ST8SIA1: variants seen among roughly 807,000 people sequenced by gnomAD.
ST8SIA1 encodes the protein alpha-N-acetylneuraminide alpha-2,8-sialyltransferase.
ST8SIA1 carries 16 observed loss-of-function variants against 35.9 expected under a neutral mutation model. The ratio of observed to expected loss-of-function variants is 0.45; its 90% confidence interval spans 0.30 to 0.68. The LOEUF is 0.68. ST8SIA1 is among the 30% of genes least tolerant of loss of function. The pLI is 0.09. For missense variants in ST8SIA1, 383 were observed against 453.6 expected (o/e 0.84, Z 1.41); for synonymous variants, 170 against 169.6 (o/e 1.00, Z -0.02).
At chr12:22,244,833 T>C (rs530263425) in intron 4 of ST8SIA1, among the ~76,000 whole-genome samples, 25 of 152,330 alleles carry the variant, frequency 1.6e-4, no homozygotes, top group African/African-American at 5.8e-4. Context: ...TTTTTTCCCA[T>C]GTGTAATCTA....
chr12:22,302,489 T>C (rs142747250), intron 1 of ST8SIA1, among the ~76,000 whole-genome samples: 4 of 152,280 alleles, frequency 2.6e-5, no homozygotes, highest in African/African-American at 9.6e-5. Context: ...CTATTTTCTC[T>C]TCATAGAGCA....
intron 2 of ST8SIA1, among the ~76,000 whole-genome samples, chr12:22,285,307 T>C (rs1866084590): frequency 6.6e-6 from 1 of 152,242 alleles, no homozygotes; most frequent in Admixed American, 6.5e-5. Flanking sequence ...TCCCAGTCCC[T>C]AGACCACAGT....
chr12:22,269,347 T>C (rs1356263293), intron 2 of ST8SIA1, among the ~76,000 whole-genome samples: 1 of 152,054 alleles, frequency 6.6e-6, no homozygotes, highest in Non-Finnish European at 1.5e-5. Flanking sequence ...CTTTTCAAAA[T>C]AACATTAAGT....
At chr12:22,265,157 G>A (rs761072750) in intron 2 of ST8SIA1, among the ~76,000 whole-genome samples, 20 of 152,204 alleles carry the variant, frequency 1.3e-4, no homozygotes, top group Non-Finnish European at 2.6e-4. Context: ...AGGTGACAAA[G>A]ACTGTGTCTA....
intron 4 of ST8SIA1, among the ~76,000 whole-genome samples, chr12:22,236,398 T>A (rs1168575062): frequency 1.3e-5 from 2 of 152,234 alleles, no homozygotes; most frequent in African/African-American, 4.8e-5. Context: ...ACACAGCCAA[T>A]GCTGTTCTAT....
At chr12:22,324,772 A>G (rs1385893833) in intron 1 of ST8SIA1, 1 of 125,286 alleles carries the variant, frequency 8.0e-6, no homozygotes, top group Non-Finnish European at 1.7e-5. Context: ...CTACATATGA[A>G]GAAATCATTA....
intron 2 of ST8SIA1, among the ~76,000 whole-genome samples, chr12:22,256,685 G>A (rs1865731630): frequency 6.6e-6 from 1 of 152,312 alleles, no homozygotes; most frequent in South Asian, 2.1e-4. Flanking sequence ...AGCATAAGAA[G>A]AGGATTTTAT....
At chr12:22,304,334 CTTTTTT>C (rs3063802) in intron 1 of ST8SIA1, among the ~76,000 whole-genome samples, 4 of 106,266 alleles carry the variant, frequency 3.8e-5, no homozygotes, top group Admixed American at 2.0e-4. Flanking sequence ...TTTTCTTTTT[CTTTTTT>C]TTTTTTTTTT....
At chr12:22,261,743 C>T (rs910850052) in intron 2 of ST8SIA1, among the ~76,000 whole-genome samples, 1 of 152,100 alleles carries the variant, frequency 6.6e-6, no homozygotes, top group African/African-American at 2.4e-5. Flanking sequence ...TCAGTAAGCC[C>T]ATCCAGTGTG....
chr12:22,223,185 C>T (rs1865318926), intron 4 of ST8SIA1: 1 of 152,158 alleles, frequency 6.6e-6, no homozygotes, highest in Non-Finnish European at 1.5e-5. Flanking sequence ...CAGTTTCATG[C>T]AAGTGTTTAA....
At chr12:22,285,959 G>T (rs576140274) in intron 2 of ST8SIA1, among the ~76,000 whole-genome samples, 1 of 150,526 alleles carries the variant, frequency 6.6e-6, no homozygotes, top group East Asian at 2.0e-4. Context: ...AATAGGGCAA[G>T]TGCTGCTCTA....
rs182321919 is a variant in ST8SIA1 at position 22,194,216 on chromosome 12, G to A, written c.*7336C>T. On this transcript the variant is annotated 3_prime_UTR_variant, in exon 5 of 5. Coordinates refer to ENST00000396037, the MANE Select transcript of ST8SIA1 (RefSeq NM_003034.4). ...CTATAGTAACCTATCAACACCCAAC[G>A]GTGCTCAAGACTGAATGATAAACAG... The A allele has an allele frequency of 2.6e-5, 4 of 152,004 alleles. No homozygotes were observed. Among genetic ancestry groups the A allele is most frequent in the Non-Finnish European group, 4.4e-5 (3 of 68,004 alleles). 9.4% of individuals were successfully genotyped at this position (152,004 alleles called of 1,614,324 possible). A position where few individuals can be genotyped will look rare whatever the true frequency, so the allele number is the denominator to read the frequency against.
intron 2 of ST8SIA1, among the ~76,000 whole-genome samples, chr12:22,266,494 A>T (rs961014760): frequency 2.2e-4 from 28 of 125,376 alleles, no homozygotes; most frequent in Non-Finnish European, 4.2e-4. Flanking sequence ...ACCCCTATTT[A>T]AAAAAAAAAT....
chr12:22,311,820 G>T (rs1021535232), intron 1 of ST8SIA1, among the ~76,000 whole-genome samples: 1 of 152,124 alleles, frequency 6.6e-6, no homozygotes, highest in African/African-American at 2.4e-5. Flanking sequence ...AACAATAATA[G>T]TTTATGTAGG....
chr12:22,329,400 G>A (rs986893029), intron 1 of ST8SIA1, among the ~76,000 whole-genome samples: 7 of 152,070 alleles, frequency 4.6e-5, no homozygotes, highest in East Asian at 1.9e-4. Context: ...TATATTTTAC[G>A]TATCCAGTAA....
At chr12:22,327,508 A>G (rs1281806089) in intron 1 of ST8SIA1, among the ~76,000 whole-genome samples, 1 of 152,222 alleles carries the variant, frequency 6.6e-6, no homozygotes, top group Non-Finnish European at 1.5e-5. Flanking sequence ...GGCAGGCTGC[A>G]GAAGTAGAGT....
At chr12:22,267,929 G>T (rs1865866313) in intron 2 of ST8SIA1, among the ~76,000 whole-genome samples, 1 of 152,008 alleles carries the variant, frequency 6.6e-6, no homozygotes, top group Non-Finnish European at 1.5e-5. Flanking sequence ...TCCAGGATTG[G>T]CATGCACATC....
chr12:22,319,603 A>G lies in ST8SIA1; in HGVS notation c.236+14394T>C, dbSNP rs189456309. 2.1e-4 allele frequency among the ~76,000 whole-genome samples: 32 copies of G among 152,332 alleles called. 1 individual carries two copies. Among genetic ancestry groups the G allele is most frequent in the African/African-American group, 7.5e-4 (31 of 41,578 alleles). ...GCATGAGTTGGGAGAGCCCCTGGACATATGGCCCTCAGCAGGGCTGGGGGA... is the reference window on the plus strand; with the variant it reads ...GCATGAGTTGGGAGAGCCCCTGGACGTATGGCCCTCAGCAGGGCTGGGGGA... On this transcript the variant is annotated intron_variant, in intron 1 of 4. Coordinates refer to ENST00000396037, the MANE Select transcript of ST8SIA1 (RefSeq NM_003034.4).
rs532037269 is a variant in ST8SIA1, at chr12:22,292,553, T to C, written c.237-5260A>G. ...AAACAAAATGTGGCATATATATGGA[T>C]GGAATATTATGCAGCCATAAAAAGG... On this transcript the variant is annotated intron_variant, in intron 1 of 4. Coordinates refer to ENST00000396037, the MANE Select transcript of ST8SIA1 (RefSeq NM_003034.4). Among the ~76,000 whole-genome samples, 8 of 143,230 alleles carry C rather than the reference T, an allele frequency of 5.6e-5. No homozygotes were observed. In the South Asian group the frequency reaches 1.8e-3, roughly 33 times the overall value. The allele number at this position is 143,230 out of a possible 152,430, so 94.0% of individuals were successfully genotyped here.
Sources: allele counts gnomAD v4.1 joint callset (sites outside exome capture counted in the v4.1 genomes callset), GRCh38; gene constraint gnomAD v4.1.1; transcripts MANE v1.5; gene names NCBI Gene and HGNC (gene_info 2026-07-23, HGNC 2026-07-21).